The following SLC35F4 variants were observed in gnomAD, a reference collection of about 807,000 sequenced individuals.
The protein encoded by SLC35F4 is chromosome 14 open reading frame 36.
Under a neutral mutation model 44.2 loss-of-function variants are expected in SLC35F4, and 24 were observed. That is an observed-to-expected ratio of 0.54 (90% CI 0.39 to 0.76). The LOEUF is 0.76. Among genes scored for constraint, SLC35F4 ranks in the 30% least tolerant of loss-of-function variants. The probability of loss-of-function intolerance (pLI) is 0.00; values close to 1 mark genes in which losing one functional copy is unlikely to be tolerated. For missense variants in SLC35F4, 562 were observed against 586.1 expected, an observed-to-expected ratio of 0.96 and a Z score of 0.42; for synonymous variants, 238 against 223.6, an observed-to-expected ratio of 1.06 and a Z score of -0.57.
At chr14:57,916,302 G>T (rs561154225) in intron 1 of SLC35F4, among the ~76,000 whole-genome samples, 17 of 152,308 alleles carry the variant, frequency 1.1e-4, no homozygotes, top group African/African-American at 3.8e-4. Context: ...AGCTCTTAAA[G>T]ATCCCACCTC....
intron 1 of SLC35F4, among the ~76,000 whole-genome samples, chr14:57,614,404 T>C (rs926501850): frequency 8.5e-5 from 13 of 152,208 alleles, no homozygotes; most frequent in Admixed American, 5.2e-4. Context: ...CCTTAAATCC[T>C]AGAACAGACT....
chr14:57,581,490 ATC>A, intron 3 of SLC35F4, 57 bp from the exon 4 acceptor site: 1 of 1,462,112 alleles, frequency 6.8e-7, no homozygotes, highest in Non-Finnish European at 9.3e-7. Flanking sequence ...CTCTTGTCTT[ATC>A]TGACTCATCG....
Position 57,808,675 on chromosome 14 carries a change from G to A in SLC35F4, c.103+57048C>T, listed in dbSNP as rs954776459. On this transcript the variant is annotated intron_variant, in intron 1 of 7. Coordinates refer to ENST00000556826, the MANE Select transcript of SLC35F4 (RefSeq NM_001306087.2). ...AAAACCATTTTCTGGGTGTGGTGGT[G>A]CAAAACTGCGGTGCCAGCTAGTCAA... is the stretch of plus-strand genomic sequence containing the variant. Among the ~76,000 whole-genome samples, 5 of 149,388 alleles carry A rather than the reference G, an allele frequency of 3.3e-5. 1 individual carries two copies. Among genetic ancestry groups the A allele is most frequent in the African/African-American group, 1.3e-4 (5 of 38,806 alleles).
chr14:57,656,306 C>G (rs949686716), intron 1 of SLC35F4, among the ~76,000 whole-genome samples: 13 of 150,984 alleles, frequency 8.6e-5, no homozygotes, highest in Non-Finnish European at 1.5e-4. Context: ...CCCACACCCC[C>G]CACACACACT....
intron 1 of SLC35F4, among the ~76,000 whole-genome samples, chr14:57,820,839 A>C (rs1380942284): frequency 6.6e-6 from 1 of 152,194 alleles, no homozygotes; most frequent in Non-Finnish European, 1.5e-5. Flanking sequence ...ATACCTGGCA[A>C]AGATACAGGT....
intron 1 of SLC35F4, among the ~76,000 whole-genome samples, chr14:57,745,339 C>T (rs1441787376): frequency 6.6e-6 from 1 of 152,136 alleles, no homozygotes; most frequent in Admixed American, 6.5e-5. Flanking sequence ...ACCCATCTGA[C>T]AAAGGGCTAA....
chr14:57,682,233 T>A (rs1229272530), intron 1 of SLC35F4, among the ~76,000 whole-genome samples: 1 of 152,138 alleles, frequency 6.6e-6, no homozygotes, highest in African/African-American at 2.4e-5. Context: ...TAGCAAAGAC[T>A]TGGAACCAAG....
intron 1 of SLC35F4, among the ~76,000 whole-genome samples, chr14:57,918,307 A>C (rs75101455): frequency 6.6e-6 from 1 of 152,098 alleles, no homozygotes; most frequent in South Asian, 2.1e-4. Context: ...CCAGCAATTC[A>C]TGAATTACAG....
downstream of SLC35F4, among the ~76,000 whole-genome samples, chr14:57,975,254 T>C (rs1881182172): frequency 6.6e-6 from 1 of 152,182 alleles, no homozygotes; most frequent in African/African-American, 2.4e-5. Context: ...TCCCCTCCAC[T>C]GGCAAAGCCA....
chr14:57,693,881 G>T (rs1188331720), intron 1 of SLC35F4, among the ~76,000 whole-genome samples: 1 of 152,054 alleles, frequency 6.6e-6, no homozygotes, highest in African/African-American at 2.4e-5. Flanking sequence ...CAGAATTTGA[G>T]CACGTATCAG....
intron 1 of SLC35F4, among the ~76,000 whole-genome samples, chr14:57,758,222 GAAGTT>G (rs979035889): frequency 1.1e-4 from 16 of 152,094 alleles, no homozygotes; most frequent in African/African-American, 3.6e-4. Context: ...ACGCTTTAGT[GAAGTT>G]TTCTTCATGT....
At chr14:57,715,311 A>G (rs1429152203) in intron 1 of SLC35F4, among the ~76,000 whole-genome samples, 1 of 152,254 alleles carries the variant, frequency 6.6e-6, no homozygotes, top group Non-Finnish European at 1.5e-5. Flanking sequence ...AAAATTACCC[A>G]GAAGTGATGA....
At chr14:57,678,330 T>C (rs1015527137) in intron 1 of SLC35F4, among the ~76,000 whole-genome samples, 8 of 152,050 alleles carry the variant, frequency 5.3e-5, no homozygotes, top group African/African-American at 1.9e-4. Flanking sequence ...CTGAGAGATT[T>C]TGTCACCACC....
At chr14:57,644,356 C>T (rs2073395208) in intron 1 of SLC35F4, among the ~76,000 whole-genome samples, 1 of 152,144 alleles carries the variant, frequency 6.6e-6, no homozygotes, top group Admixed American at 6.5e-5. Flanking sequence ...ATTTGCATTT[C>T]TCTGATGGCC....
intron 1 of SLC35F4, among the ~76,000 whole-genome samples, chr14:57,676,306 T>C (rs1431472011): frequency 6.6e-6 from 1 of 152,194 alleles, no homozygotes; most frequent in Non-Finnish European, 1.5e-5. Context: ...TGGAAGCCAT[T>C]AACCTCAGCA....
intron 1 of SLC35F4, among the ~76,000 whole-genome samples, chr14:57,650,319 A>G (rs2073732186): frequency 6.6e-6 from 1 of 152,058 alleles, no homozygotes; most frequent in African/African-American, 2.4e-5. Context: ...ATATTATCCC[A>G]AACTTAAAAA....
chr14:57,603,553 C>T (rs1351830216), intron 1 of SLC35F4, among the ~76,000 whole-genome samples: 3 of 152,180 alleles, frequency 2.0e-5, no homozygotes, highest in Non-Finnish European at 4.4e-5. Flanking sequence ...TCAGATGCTC[C>T]TATCCAGACT....
intron 1 of SLC35F4, among the ~76,000 whole-genome samples, chr14:57,771,666 T>C (rs1304281386): frequency 6.6e-6 from 1 of 152,244 alleles, no homozygotes; most frequent in African/African-American, 2.4e-5. Context: ...TGATCACAGC[T>C]CACTGCAATC....
rs1346311603 is a variant in SLC35F4, at chr14:57,648,454, T to C, written c.104-54330A>G. On this transcript the variant is annotated intron_variant, in intron 1 of 7. Transcript: ENST00000556826. ...AAAATTCAAAACAATATGAAAACAA[T>C]ATGTCATAGTTTATTGCCATTTTTT... is the stretch of plus-strand genomic sequence containing the variant. Among the ~76,000 whole-genome samples, 5 of 152,158 alleles carry C rather than the reference T, an allele frequency of 3.3e-5. No homozygotes were observed. In the East Asian group the frequency reaches 7.7e-4, roughly 23 times the overall value.
Sources: allele counts gnomAD v4.1 joint callset (sites outside exome capture counted in the v4.1 genomes callset), GRCh38; gene constraint gnomAD v4.1.1; transcripts MANE v1.5; gene names NCBI Gene and HGNC (gene_info 2026-07-23, HGNC 2026-07-21).